GRHL3: variants seen among roughly 807,000 people sequenced by gnomAD.
The protein encoded by GRHL3 is grainyhead-like protein 3 homolog.
In GRHL3, 20 loss-of-function variants were observed where a neutral mutation model predicts 70.3. That is an observed-to-expected ratio of 0.28 (90% CI 0.20 to 0.41). GRHL3 has a LOEUF of 0.41. Ranked by LOEUF, GRHL3 falls within the 10% of genes least tolerant of loss-of-function variation. GRHL3 has a pLI of 1.00. For missense variants in GRHL3, 637 were observed against 762.3 expected (o/e 0.84, Z 1.94); for synonymous variants, 299 against 299.9 (o/e 1.00, Z 0.03).
At chr1:24,341,796 G>C (rs1451312368) in intron 8 of GRHL3, among the ~76,000 whole-genome samples, 3 of 152,202 alleles carry the variant, frequency 2.0e-5, no homozygotes, top group African/African-American at 7.2e-5. Flanking sequence ...ATCCCCCCCA[G>C]TCTCCACCCC....
intron 15 of GRHL3, among the ~76,000 whole-genome samples, chr1:24,361,886 C>G (rs1336556034): frequency 1.3e-5 from 2 of 152,158 alleles, no homozygotes; most frequent in East Asian, 1.9e-4. Context: ...TCTGAGGTCC[C>G]TTCCTGCTGT....
At position 24,337,120 on chromosome 1, in the gene GRHL3, C is replaced by T. The variant is rs752861672; in HGVS notation, c.655C>T (p.Pro219Ser). The change falls in exon 5 of 16, where the codon CCA becomes TCA. Residue 219 changes from proline to serine, a missense_variant. Pro to Ser is a moderately conservative substitution (Grantham distance 74). Transcript: ENST00000361548. ...PDILKTSPEP[P>S]CPEDYPSLKS... ...TATCCTGAAAACCTCCCCGGAACCC[C>T]CATGTCCAGAGGACTACCCCAGCCT... The T allele has an allele frequency of 4.3e-5, 70 of 1,614,010 alleles. No individual in the cohort carries two copies. The highest frequency in any genetic ancestry group is 5.8e-5 in the Non-Finnish European group (68 of 1,179,994).
downstream of GRHL3, chr1:24,358,053 G>GT (rs1343208632): frequency 8.1e-6 from 3 of 372,044 alleles, no homozygotes; most frequent in East Asian, 7.3e-5. Flanking sequence ...TAGACATACC[G>GT]TAAGTGAGTG....
chr1:24,358,344 G>A (rs1484892357), downstream of GRHL3: 2 of 696,722 alleles, frequency 2.9e-6, no homozygotes, highest in East Asian at 5.4e-5. Flanking sequence ...CTGGGGTGAA[G>A]TCTCCAGGGA....
chr1:24,344,787 A>T, intron 11 of GRHL3, 110 bp from the exon 12 acceptor site: 2 of 1,182,134 alleles, frequency 1.7e-6, no homozygotes, highest in Non-Finnish European at 2.5e-6. Flanking sequence ...TTGTAACAGT[A>T]TTCTCCCCAC....
rs192188539 is a variant in GRHL3 at position 24,336,942 on chromosome 1, C to G, written c.612+115C>G. On this transcript the variant is annotated intron_variant, in intron 4 of 15. Coordinates refer to ENST00000361548, the MANE Select transcript of GRHL3 (RefSeq NM_198173.3). ...ATCCATGGGGGAAAGCATCCTAGAGCTGAGACGGGATTGCCATGTACTATT... is the reference window on the plus strand; with the variant it reads ...ATCCATGGGGGAAAGCATCCTAGAGGTGAGACGGGATTGCCATGTACTATT... 38 of 1,211,548 alleles carry G rather than the reference C, an allele frequency of 3.1e-5. No individual in the cohort carries two copies. The East Asian group carries it at 7.6e-4, about 24-fold the overall frequency. 75.0% of individuals were successfully genotyped at this position (1,211,548 alleles called of 1,614,324 possible).
intron 3 of GRHL3, among the ~76,000 whole-genome samples, chr1:24,335,336 C>A (rs530730687): frequency 5.3e-5 from 8 of 152,368 alleles, no homozygotes; most frequent in African/African-American, 1.9e-4. Flanking sequence ...GCGGCCCAGG[C>A]CATGCTTAAG....
chr1:24,345,677 G>A (rs1640252148), intron 12 of GRHL3, among the ~76,000 whole-genome samples: 1 of 152,158 alleles, frequency 6.6e-6, no homozygotes, highest in African/African-American at 2.4e-5. Flanking sequence ...AGCTGGGGCC[G>A]GCACCCCTTG....
intron 8 of GRHL3, 136 bp from the exon 9 acceptor site, chr1:24,341,979 T>A: frequency 2.7e-6 from 2 of 740,050 alleles, no homozygotes; most frequent in Admixed American, 5.2e-5. Flanking sequence ...AGTGCTGATG[T>A]TTGCCTTCTA....
intron 11 of GRHL3, among the ~76,000 whole-genome samples, chr1:24,344,683 T>C (rs1253063294): frequency 1.3e-5 from 2 of 151,884 alleles, no homozygotes; most frequent in African/African-American, 2.4e-5. Flanking sequence ...CATTGAGTCC[T>C]TGACCCATCC....
intron 3 of GRHL3, among the ~76,000 whole-genome samples, chr1:24,335,184 C>G (rs947764944): frequency 6.6e-6 from 1 of 152,190 alleles, no homozygotes. Flanking sequence ...AAAACCCTCT[C>G]CCCTGAAGAC....
At position 24,331,597 on chromosome 1, in the gene GRHL3, C is replaced by T. The variant is rs1242145710; in HGVS notation, c.189C>T (p.Leu63=). 6.2e-7 allele frequency: 1 copy of T among 1,613,656 alleles called. No individual in the cohort carries two copies. The highest frequency in any genetic ancestry group is 8.5e-7 in the Non-Finnish European group (1 of 1,179,732). Residue 63 remains leucine (L), a synonymous_variant, in exon 2 of 16, where the codon CTC becomes CTT. Transcript: ENST00000361548. ...DDDSVAALSF[L]YDYYMGPKEK... The stretch of plus-strand genomic sequence containing the variant: ...ACAGTGTTGCGGCCTTGAGCTTCCT[C>T]TATGATTACTACATGGTACGTCTAC...
chr1:24,354,407 G>C lies in GRHL3; in HGVS notation c.1728G>C (p.Gln576His). Reference protein sequence around the residue: ...ILVNMDNNIIQHYSNHVAFLL... With the variant: ...ILVNMDNNIIHHYSNHVAFLL... Reference sequence around the variant, plus strand: ...TCAACATGGACAACAACATCATTCAGCATTACAGCAACCACGTCGCCTTCC... The same window carrying C: ...TCAACATGGACAACAACATCATTCACCATTACAGCAACCACGTCGCCTTCC... Residue 576 changes from glutamine (Q) to histidine (H), a missense_variant, in exon 16 of 16, where the codon CAG becomes CAC. Coordinates refer to ENST00000361548, the MANE Select transcript of GRHL3 (RefSeq NM_198173.3). 6.2e-7 allele frequency: 1 copy of C among 1,613,834 alleles called. No individual in the cohort carries two copies. Among genetic ancestry groups the C allele is most frequent in the Non-Finnish European group, 8.5e-7 (1 of 1,179,756 alleles).
chr1:24,338,212 T>C, intron 7 of GRHL3, 109 bp downstream of exon 7: 1 of 683,708 alleles, frequency 1.5e-6, no homozygotes, highest in Non-Finnish European at 2.4e-6. Flanking sequence ...CTCTGACCTC[T>C]GTCTCCAGGT....
chr1:24,342,194 T>C lies in GRHL3; in HGVS notation c.1127T>C (p.Ile376Thr). The C allele has an allele frequency of 6.2e-7, 1 of 1,613,694 alleles. No individual in the cohort carries two copies. Among genetic ancestry groups the C allele is most frequent in the Non-Finnish European group, 8.5e-7 (1 of 1,179,752 alleles). Residue 376 changes from isoleucine (I) to threonine (T), a missense_variant, in exon 9 of 16, where the codon ATT (isoleucine) becomes ACT (threonine). By Grantham distance (89) the Ile-to-Thr change is moderately conservative (BLOSUM62 -1). This residue lies in a region of GRHL3 where 387 missense variants were observed against 513.8 expected (regional missense o/e 0.75). Coordinates refer to ENST00000361548, the MANE Select transcript of GRHL3 (RefSeq NM_198173.3). This position sits in a 1 kb window ranked among gnomAD's most constrained non-coding sequence, Gnocchi z 4.8. The stretch of plus-strand genomic sequence containing the variant: ...AAGGGTGTCCCCCTGAACCTGCAGA[T>C]TGACACCTATGACTGTGGCTTGGGC... ...GVKGVPLNLQ[I>T]DTYDCGLGTE...
At chr1:24,337,249 A>G in intron 5 of GRHL3, 98 bp downstream of exon 5, 1 of 797,812 alleles carries the variant, frequency 1.3e-6, no homozygotes, top group South Asian at 1.7e-5. Context: ...GGCACAATCA[A>G]TTAATGAGAA....
At position 24,342,074 on chromosome 1, in the gene GRHL3, C is replaced by T. The variant is rs1200258355; in HGVS notation, c.1048-41C>T. On this transcript the variant is annotated intron_variant, in intron 8 of 15. Coordinates refer to ENST00000361548, the MANE Select transcript of GRHL3 (RefSeq NM_198173.3). The surrounding 1 kb of genome is among the most constrained non-coding windows in gnomAD (Gnocchi z 4.8). The stretch of plus-strand genomic sequence containing the variant: ...CACTGTGGGACGGTGGGGCTGGCCA[C>T]CTGGGCAGGCCACTTACCCAGCGGC... The T allele has an allele frequency of 6.6e-7, 1 of 1,514,360 alleles. No individual in the cohort carries two copies. Among genetic ancestry groups the T allele is most frequent in the East Asian group, 2.3e-5 (1 of 43,462 alleles). The allele number at this position is 1,514,360 out of a possible 1,614,324, so 93.8% of individuals were successfully genotyped here.
rs748676873 is a variant in GRHL3, at chr1:24,336,431, C to T, written c.267-51C>T. The T allele has an allele frequency of 7.7e-6, 10 of 1,293,528 alleles. No individual in the cohort carries two copies. In the Admixed American group the frequency reaches 9.0e-5, roughly 12 times the overall value. The allele number at this position is 1,293,528 out of a possible 1,614,324, so 80.1% of individuals were successfully genotyped here. A position where few individuals can be genotyped will look rare whatever the true frequency, so the allele number is the denominator to read the frequency against. On this transcript the variant is annotated intron_variant, in intron 3 of 15. Coordinates refer to ENST00000361548, the MANE Select transcript of GRHL3 (RefSeq NM_198173.3). The stretch of plus-strand genomic sequence containing the variant: ...TTGCCTTGCACTCTAGCCAAAGACC[C>T]CCCTTTACCCCCAGAGAGAAGTACA...
intron 3 of GRHL3, among the ~76,000 whole-genome samples, chr1:24,335,846 A>T (rs905005449): frequency 3.9e-5 from 6 of 152,074 alleles, no homozygotes; most frequent in African/African-American, 7.2e-5. Flanking sequence ...CCTCCCTAAG[A>T]GCTGGGATTA....
Sources: gnomAD v4.1 joint callset for allele counts (sites outside exome capture counted in the v4.1 genomes callset) on GRCh38, gnomAD v4.1.1 for gene constraint, gnomAD v4.1.1 regional missense constraint, Gnocchi (gnomAD v3.1) non-coding constraint, MANE v1.5 for transcripts, NCBI Gene and HGNC (gene_info 2026-07-23, HGNC 2026-07-21) for gene names.